DBH: variants seen among roughly 807,000 people sequenced by gnomAD.
The protein encoded by DBH is dopamine beta-hydroxylase (dopamine beta-monooxygenase).
Under a neutral mutation model 64.0 loss-of-function variants are expected in DBH, and 49 were observed. The ratio of observed to expected loss-of-function variants is 0.77; its 90% CI spans 0.61 to 0.97. The LOEUF is 0.97. Ranked by LOEUF, DBH falls within the 50% of genes least tolerant of loss-of-function variation. The pLI is 0.00. For synonymous variants in DBH, 343 were observed against 347.1 expected (o/e 0.99, Z 0.13); for missense variants, 828 against 826.6 (o/e 1.00, Z -0.02).
In DBH at chr9:133,656,955, G is replaced by A. The variant is rs1304636592; in HGVS notation, c.1563-115G>A. The stretch of plus-strand genomic sequence containing the variant: ...GAGGCAGCGGGGCTGGGGAGGAGGT[G>A]GCAGGACGGTTGCCCCAGGGACAGG... On this transcript the variant is annotated intron_variant, in intron 10 of 11. Coordinates refer to ENST00000393056, the MANE Select transcript of DBH (RefSeq NM_000787.4). 1.4e-5 allele frequency: 17 copies of A among 1,248,116 alleles called. No individual in the cohort carries two copies. The Admixed American group carries it at 2.3e-4, about 17-fold the overall frequency. The allele number at this position is 1,248,116 out of a possible 1,614,324, so 77.3% of individuals were successfully genotyped here. A position where few individuals can be genotyped will look rare whatever the true frequency, so the allele number is the denominator to read the frequency against.
Position 133,651,649 on chromosome 9 carries a change from G to C in DBH, c.1207G>C (p.Gly403Arg), listed in dbSNP as rs565359188. 4 of 1,613,698 alleles carry C rather than the reference G, an allele frequency of 2.5e-6. No homozygotes were observed. Among genetic ancestry groups the C allele is most frequent in the South Asian group, 1.1e-5 (1 of 91,060 alleles). Reference sequence around the variant, plus strand: ...GACCCCACAGGCACTGCCTCCCTCCGGGATCCACATCTTCGCCTCTCAGCT... The same window carrying C: ...GACCCCACAGGCACTGCCTCCCTCCCGGATCCACATCTTCGCCTCTCAGCT... ...KCTQLALPPS[G>R]IHIFASQLHT... The change falls in exon 7 of 12, where the codon GGG (glycine) becomes CGG (arginine). Residue 403 changes from glycine to arginine, a missense_variant. By Grantham distance (125) the Gly-to-Arg change is moderately radical. Transcript: ENST00000393056.
Position 133,651,593 on chromosome 9 carries a change from CG to C in DBH, c.1192-36del, listed in dbSNP as rs746293215. The C allele has an allele frequency of 1.4e-5, 22 of 1,611,382 alleles. No individual in the cohort carries two copies. The African/African-American group carries it at 2.8e-4, about 21-fold the overall frequency. On this transcript the variant is annotated intron_variant, in intron 6 of 11. Coordinates refer to ENST00000393056, the MANE Select transcript of DBH (RefSeq NM_000787.4). ...CTGGCCATGGACGGGAGGGTCCCCTCGGGGGTCAGGCCCTGACACTGCAGCC... is the reference window on the plus strand; with the variant it reads ...CTGGCCATGGACGGGAGGGTCCCCTCGGGGTCAGGCCCTGACACTGCAGCC...
chr9:133,640,548 T>C (rs1832106317), intron 2 of DBH, among the ~76,000 whole-genome samples: 1 of 152,244 alleles, frequency 6.6e-6, no homozygotes, highest in Non-Finnish European at 1.5e-5. Flanking sequence ...CTTATGCTGC[T>C]CTAAGAGCCC....
rs766523963 is a variant in DBH, at chr9:133,651,621, C to T, written c.1192-13C>T. The T allele has an allele frequency of 1.9e-6, 3 of 1,613,078 alleles. No individual in the cohort carries two copies. Among genetic ancestry groups the T allele is most frequent in the Admixed American group, 1.7e-5 (1 of 59,994 alleles). ...GGGTCAGGCCCTGACACTGCAGCCC[C>T]CCGACCCCACAGGCACTGCCTCCCT... On this transcript the variant is annotated splice_polypyrimidine_tract_variant and intron_variant, in intron 6 of 11. Coordinates refer to ENST00000393056, the MANE Select transcript of DBH (RefSeq NM_000787.4).
chr9:133,658,275 C>G, intron 11 of DBH, 41 bp from the exon 12 acceptor site: 1 of 1,611,654 alleles, frequency 6.2e-7, no homozygotes, highest in African/African-American at 1.3e-5. Flanking sequence ...ACCCATCTTG[C>G]CCCTCCAGCC....
Position 133,658,568 on chromosome 9 carries a change from AC to A in DBH, c.*123del. 8.6e-7 allele frequency: 1 copy of A among 1,162,816 alleles called. No individual in the cohort carries two copies. The highest frequency in any genetic ancestry group is 1.6e-5 in the African/African-American group (1 of 64,114). The allele number at this position is 1,162,816 out of a possible 1,614,324, so 72.0% of individuals were successfully genotyped here. ...TGCACGCCCAGGATGAAGGGGCCAG[AC>A]CACGCCCCTGCCTGAGACCACGGTC... On this transcript the variant is annotated 3_prime_UTR_variant, in exon 12 of 12. Transcript: ENST00000393056.
Position 133,636,388 on chromosome 9 carries a change from G to T in DBH, c.17G>T (p.Arg6Leu). Residue 6 changes from arginine (R) to leucine (L), a missense_variant, in exon 1 of 12, where the codon CGC becomes CTC. Physicochemically the swap from Arg to Leu is moderately radical, Grantham distance 102 (BLOSUM62 -2). Coordinates refer to ENST00000393056, the MANE Select transcript of DBH (RefSeq NM_000787.4). Reference protein sequence around the residue: MPALSRWASLPGPSMR... With the variant: MPALSLWASLPGPSMR... ...ACCCCAGCCATGCCCGCCCTCAGTC[G>T]CTGGGCCAGCCTGCCCGGCCCCAGC... 2 of 1,610,080 alleles carry T rather than the reference G, an allele frequency of 1.2e-6. No homozygotes were observed. Among genetic ancestry groups the T allele is most frequent in the Non-Finnish European group, 1.7e-6 (2 of 1,179,952 alleles).
rs1832058688 is a variant in DBH, at chr9:133,636,769, C to T, written c.339+59C>T. Reference sequence around the variant, plus strand: ...CTTCCTGACCCGGCACCCCATCTGGCCGTCTTTCTGCACTCACCCTCCTTA... The same window carrying T: ...CTTCCTGACCCGGCACCCCATCTGGTCGTCTTTCTGCACTCACCCTCCTTA... On this transcript the variant is annotated intron_variant, in intron 1 of 11. Coordinates refer to ENST00000393056, the MANE Select transcript of DBH (RefSeq NM_000787.4). 4 of 1,490,410 alleles carry T rather than the reference C, an allele frequency of 2.7e-6. No homozygotes were observed. In the South Asian group the frequency reaches 4.7e-5, roughly 17 times the overall value. 92.3% of individuals were successfully genotyped at this position (1,490,410 alleles called of 1,614,324 possible).
At chr9:133,640,998 C>T (rs2131283977) in intron 2 of DBH, among the ~76,000 whole-genome samples, 1 of 152,182 alleles carries the variant, frequency 6.6e-6, no homozygotes, top group Admixed American at 6.5e-5. Flanking sequence ...AGGGCTGAGG[C>T]AATATTGGCC....
In DBH at chr9:133,657,246, C is replaced by A; in HGVS notation, c.1722+17C>A. ...CGCTTCCAGGTGCGCTGCCATGGGC[C>A]CGGGTGGGGCATGCAGTCAGGCAGG... On this transcript the variant is annotated intron_variant, in intron 11 of 11. Coordinates refer to ENST00000393056, the MANE Select transcript of DBH (RefSeq NM_000787.4). 1.9e-6 allele frequency: 3 copies of A among 1,613,232 alleles called. No individual in the cohort carries two copies. The highest frequency in any genetic ancestry group is 2.5e-6 in the Non-Finnish European group (3 of 1,180,020).
In DBH at chr9:133,652,252, C is replaced by G. The variant is rs769684460; in HGVS notation, c.1342C>G (p.Arg448Gly). 1.6e-5 allele frequency: 26 copies of G among 1,613,852 alleles called. No homozygotes were observed. The highest frequency in any genetic ancestry group is 2.0e-5 in the Non-Finnish European group (24 of 1,180,032). The change falls in exon 8 of 12, where the codon CGC becomes GGC. Residue 448 changes from arginine to glycine, a missense_variant. Arg to Gly is a moderately radical substitution (Grantham distance 125). Coordinates refer to ENST00000393056, the MANE Select transcript of DBH (RefSeq NM_000787.4). ...TCGGCTCTGCCTGCCCCAGGAGATC[C>G]GCATGTTGAAGAAGGTCGTGTCGGT... ...NHYSPHFQEIRMLKKVVSVHP... is the reference protein window; with the variant it reads ...NHYSPHFQEIGMLKKVVSVHP...
chr9:133,656,300 T>C (rs1832317271), intron 9 of DBH: 1 of 574,234 alleles, frequency 1.7e-6, no homozygotes. Flanking sequence ...GCATCATCAG[T>C]ACCTGATACG....
chr9:133,656,443 A>G (rs970789515), intron 9 of DBH, 80 bp from the exon 10 acceptor site: 4 of 1,596,450 alleles, frequency 2.5e-6, no homozygotes, highest in Non-Finnish European at 3.4e-6. Context: ...CGCAGTGTAC[A>G]CGTGGGTGCG....
rs925106177 is a variant in DBH at position 133,643,178 on chromosome 9, G to T, written c.745-235G>T. On this transcript the variant is annotated intron_variant, in intron 3 of 11. Transcript: ENST00000393056. This position sits in a 1 kb window ranked among gnomAD's most constrained non-coding sequence, Gnocchi z 5.3. ...ATATGCATGAGGACGGCTGCGTCCT[G>T]TCCCTGCCTTGGCCTGTACGAACCT... Among the ~76,000 whole-genome samples the T allele has an allele frequency of 8.9e-6, 1 of 112,774 alleles. No homozygotes were observed. The highest frequency in any genetic ancestry group is 2.0e-5 in the Non-Finnish European group (1 of 49,662). The allele number at this position is 112,774 out of a possible 152,430, so 74.0% of individuals were successfully genotyped here.
In DBH at chr9:133,656,576, C is replaced by G; in HGVS notation, c.1488C>G (p.Pro496=). The stretch of plus-strand genomic sequence containing the variant: ...GTGTCAACTACGTGCACTACTACCC[C>G]CAGACGCAGCTGGAGCTCTGCAAGA... ...EMCVNYVHYY[P]QTQLELCKSA... is the part of the protein sequence containing the mutation. The change falls in exon 10 of 12, where the codon CCC becomes CCG. Residue 496 remains proline, a synonymous_variant. Transcript: ENST00000393056. 1 of 1,613,872 alleles carries G rather than the reference C, an allele frequency of 6.2e-7. No individual in the cohort carries two copies. Among genetic ancestry groups the G allele is most frequent in the Non-Finnish European group, 8.5e-7 (1 of 1,180,026 alleles).
intron 5 of DBH, 99 bp from the exon 6 acceptor site, chr9:133,647,747 G>A: frequency 1.4e-6 from 2 of 1,464,706 alleles, no homozygotes. Context: ...CCTGCCTCCT[G>A]GCTGAGGGTG....
At chr9:133,650,165 G>T (rs1341909519) in intron 6 of DBH, among the ~76,000 whole-genome samples, 1 of 152,166 alleles carries the variant, frequency 6.6e-6, no homozygotes, top group Non-Finnish European at 1.5e-5. Flanking sequence ...GCACACAGTG[G>T]CCTCTCAAGC....
intron 7 of DBH, among the ~76,000 whole-genome samples, 184 bp from the exon 8 acceptor site, chr9:133,652,062 G>T (rs1188819050): frequency 6.6e-6 from 1 of 152,162 alleles, no homozygotes; most frequent in South Asian, 2.1e-4. Flanking sequence ...CTTCTGGTTT[G>T]AATCTAATGC....
Position 133,650,555 on chromosome 9 carries a change from T to TTC in DBH, c.1192-1078_1192-1077insCT, listed in dbSNP as rs1313586964. Among the ~76,000 whole-genome samples the TTC allele has an allele frequency of 4.1e-5, 6 of 148,144 alleles. 1 individual carries two copies. The highest frequency in any genetic ancestry group is 2.7e-4 in the Admixed American group (4 of 14,946). On this transcript the variant is annotated intron_variant, in intron 6 of 11. Coordinates refer to ENST00000393056, the MANE Select transcript of DBH (RefSeq NM_000787.4). ...CTTTTCTTTCTTCCTTCCTTTCTTT[T>TTC]TTTTTTTTTTTGATGGAGTTTCGCT...
Sources: gnomAD v4.1 joint callset for allele counts (sites outside exome capture counted in the v4.1 genomes callset) on GRCh38, gnomAD v4.1.1 for gene constraint, Gnocchi (gnomAD v3.1) non-coding constraint, MANE v1.5 for transcripts, NCBI Gene and HGNC (gene_info 2026-07-23, HGNC 2026-07-21) for gene names.